PITPNC1: variants seen among roughly 807,000 people sequenced by gnomAD.
The protein encoded by PITPNC1 is phosphatidylinositol transfer protein cytoplasmic 1, also known as cytoplasmic phosphatidylinositol transfer protein 1.
In PITPNC1, 18 loss-of-function variants were observed where a neutral mutation model predicts 44.7. The ratio of observed to expected loss-of-function variants is 0.40; its 90% CI spans 0.28 to 0.60. The LOEUF (loss-of-function observed/expected upper bound fraction) is 0.60, where lower values mean the gene tolerates loss of function less well. PITPNC1 is among the 20% of genes least tolerant of loss of function. PITPNC1 has a pLI of 0.39. For missense variants in PITPNC1, 290 were observed against 418.4 expected (o/e 0.69, Z 2.68); for synonymous variants, 141 against 149.6 (o/e 0.94, Z 0.42).
chr17:67,668,064 T>C (rs866332103), intron 6 of PITPNC1, among the ~76,000 whole-genome samples: 1 of 152,196 alleles, frequency 6.6e-6, no homozygotes, highest in Non-Finnish European at 1.5e-5. Flanking sequence ...AGTGTAAAAC[T>C]CAGTGAATGT....
At position 67,640,353 on chromosome 17, in the gene PITPNC1, T is replaced by A. The variant is rs548747033; in HGVS notation, c.462+8115T>A. On this transcript the variant is annotated intron_variant, in intron 6 of 8. Transcript: ENST00000581322. Reference sequence around the variant, plus strand: ...TCGCGGGCCCTGAGCCCTCTCCCCTTCCAGGGTCTGGATGATGCCAGTGCT... The same window carrying A: ...TCGCGGGCCCTGAGCCCTCTCCCCTACCAGGGTCTGGATGATGCCAGTGCT... Among the ~76,000 whole-genome samples the A allele has an allele frequency of 2.6e-5, 4 of 152,238 alleles. No individual in the cohort carries two copies. The South Asian group carries it at 6.2e-4, about 24-fold the overall frequency.
chr17:67,629,683 G>C (rs1598907141), intron 5 of PITPNC1, among the ~76,000 whole-genome samples: 1 of 152,234 alleles, frequency 6.6e-6, no homozygotes, highest in Non-Finnish European at 1.5e-5. Context: ...CTCGCAAACA[G>C]TGTGAGACCC....
chr17:67,629,692 C>T (rs1240482267), intron 5 of PITPNC1, among the ~76,000 whole-genome samples: 1 of 152,134 alleles, frequency 6.6e-6, no homozygotes, highest in Non-Finnish European at 1.5e-5. Context: ...AGTGTGAGAC[C>T]CAGTATTTTA....
intron 1 of PITPNC1, among the ~76,000 whole-genome samples, chr17:67,492,469 C>T (rs916694986): frequency 4.6e-5 from 7 of 150,722 alleles, no homozygotes; most frequent in East Asian, 3.8e-4. Flanking sequence ...GTGGTCCCCT[C>T]GTGCCTTTGG....
intron 6 of PITPNC1, among the ~76,000 whole-genome samples, chr17:67,641,025 T>C (rs1199367506): frequency 6.6e-6 from 1 of 151,770 alleles, no homozygotes. Flanking sequence ...GTTGGGAGGA[T>C]ATGGTATAAT....
intron 1 of PITPNC1, among the ~76,000 whole-genome samples, chr17:67,427,320 C>T (rs1442313760): frequency 6.6e-6 from 1 of 152,120 alleles, no homozygotes; most frequent in Non-Finnish European, 1.5e-5. Context: ...AAGCAATTCT[C>T]CTGCTTCAGC....
rs1440975879 is a variant in PITPNC1 at position 67,528,919 on chromosome 17, A to G, written c.49-3883A>G. The stretch of plus-strand genomic sequence containing the variant: ...GAGATTTAAAAACAGCAACAAAACC[A>G]CTGCTCCTGGAATGGCCCAGTTCCC... On this transcript the variant is annotated intron_variant, in intron 1 of 8. Transcript: ENST00000581322. Among the ~76,000 whole-genome samples, 6 of 151,890 alleles carry G rather than the reference A, an allele frequency of 4.0e-5. No homozygotes were observed. The South Asian group carries it at 1.0e-3, about 26-fold the overall frequency.
chr17:67,586,951 G>C (rs1461839266), intron 5 of PITPNC1, among the ~76,000 whole-genome samples: 1 of 152,156 alleles, frequency 6.6e-6, no homozygotes, highest in Non-Finnish European at 1.5e-5. Context: ...GGGAGGAAGG[G>C]ATCTATTTTG....
chr17:67,631,046 T>TGTC (rs2041959249), intron 5 of PITPNC1, among the ~76,000 whole-genome samples: 1 of 105,262 alleles, frequency 9.5e-6, no homozygotes, highest in Admixed American at 1.0e-4. Context: ...GCTGTGTTGT[T>TGTC]GTTGTTGTTA....
At chr17:67,482,613 A>G (rs1212074357) in intron 1 of PITPNC1, among the ~76,000 whole-genome samples, 1 of 152,170 alleles carries the variant, frequency 6.6e-6, no homozygotes, top group Non-Finnish European at 1.5e-5. Flanking sequence ...TGGAATCCAC[A>G]TTTGGTATTT....
At chr17:67,556,909 G>C (rs2040844611) in intron 4 of PITPNC1, among the ~76,000 whole-genome samples, 1 of 152,232 alleles carries the variant, frequency 6.6e-6, no homozygotes, top group Admixed American at 6.5e-5. Context: ...CTGAAGTGCA[G>C]ACAGAGGATT....
rs1386798457 is a variant in PITPNC1 at position 67,478,441 on chromosome 17, A to G, written c.49-54361A>G. 2.0e-5 allele frequency among the ~76,000 whole-genome samples: 3 copies of G among 152,200 alleles called. No homozygotes were observed. In the South Asian group the frequency reaches 6.2e-4, roughly 32 times the overall value. ...TTCAACCTCTTTTCGGGAAACCAAG[A>G]GCCTTGGCTGCTTATTCATCCCTTC... On this transcript the variant is annotated intron_variant, in intron 1 of 8. Transcript: ENST00000581322.
In PITPNC1 at chr17:67,597,753, G is replaced by T. The variant is rs1032024710; in HGVS notation, c.366+19496G>T. The stretch of plus-strand genomic sequence containing the variant: ...GTTGTTAGGCTGGTGGAAGGGACAG[G>T]TACTCTCATTGCAAGGCAGTGGGGT... On this transcript the variant is annotated intron_variant, in intron 5 of 8. Transcript: ENST00000581322. This position sits in a 1 kb window ranked among gnomAD's most constrained non-coding sequence, Gnocchi z 4.0. 1.3e-5 allele frequency among the ~76,000 whole-genome samples: 2 copies of T among 152,158 alleles called. No homozygotes were observed. Among genetic ancestry groups the T allele is most frequent in the Non-Finnish European group, 2.9e-5 (2 of 68,036 alleles).
intron 1 of PITPNC1, among the ~76,000 whole-genome samples, chr17:67,394,227 T>C (rs945439967): frequency 1.3e-5 from 2 of 152,046 alleles, no homozygotes; most frequent in African/African-American, 4.8e-5. Context: ...GAGGGTCTGG[T>C]TATGTGGCCC....
At position 67,555,184 on chromosome 17, in the gene PITPNC1, T is replaced by C. The variant is rs115794107; in HGVS notation, c.294+1567T>C. Among the ~76,000 whole-genome samples, 471 of 152,330 alleles carry C rather than the reference T, an allele frequency of 3.1e-3. 6 individuals are homozygous for C. Among genetic ancestry groups the C allele is most frequent in the African/African-American group, 0.011 (454 of 41,568 alleles). On this transcript the variant is annotated intron_variant, in intron 4 of 8. Transcript: ENST00000581322. ...AACTTTTCTGAACCTGTTTCCTCTT[T>C]TCTGAAATTAGAATAATCCCTCCTT...
intron 8 of PITPNC1, among the ~76,000 whole-genome samples, chr17:67,680,070 T>C (rs898244769): frequency 2.0e-5 from 3 of 152,138 alleles, no homozygotes; most frequent in African/African-American, 7.2e-5. Context: ...CTGGAGTCCC[T>C]AGAGCAGGTC....
intron 6 of PITPNC1, 105 bp from the exon 7 acceptor site, chr17:67,669,403 A>G: frequency 1.2e-6 from 1 of 849,702 alleles, no homozygotes; most frequent in South Asian, 1.9e-5. Context: ...GGCGTGAGCC[A>G]CCACACCCAG....
intron 1 of PITPNC1, among the ~76,000 whole-genome samples, chr17:67,385,632 C>T (rs2038034271): frequency 6.6e-6 from 1 of 152,160 alleles, no homozygotes; most frequent in South Asian, 2.1e-4. Context: ...TGAAGGTCCG[C>T]GGCTTCATTC....
chr17:67,595,452 GT>G lies in PITPNC1; in HGVS notation c.366+17210del, dbSNP rs112587198. Among the ~76,000 whole-genome samples, 318 of 140,952 alleles carry G rather than the reference GT, an allele frequency of 2.3e-3. 2 individuals are homozygous for G. The highest frequency in any genetic ancestry group is 2.2e-3 in the African/African-American group (85 of 38,650). The allele number at this position is 140,952 out of a possible 152,430, so 92.5% of individuals were successfully genotyped here. ...GGACAAAGTCTCAGCTAGTATTTTAGTTTTTTTTTTTTTTTAATGTGGGGCA... is the reference window on the plus strand; with the variant it reads ...GGACAAAGTCTCAGCTAGTATTTTAGTTTTTTTTTTTTTTAATGTGGGGCA... On this transcript the variant is annotated intron_variant, in intron 5 of 8. Transcript: ENST00000581322.
Sources: allele counts gnomAD v4.1 joint callset (sites outside exome capture counted in the v4.1 genomes callset), GRCh38; gene constraint gnomAD v4.1.1; non-coding constraint Gnocchi (gnomAD v3.1); transcripts MANE v1.5; gene names NCBI Gene and HGNC (gene_info 2026-07-23, HGNC 2026-07-21).